DAB1: variants seen among roughly 807,000 people sequenced by gnomAD.
The protein encoded by DAB1 is DAB adaptor protein 1, also known as disabled homolog 1.
A neutral mutation model predicts 64.6 loss-of-function variants in DAB1; 15 were observed. That is an observed-to-expected ratio of 0.23 (90% confidence interval 0.16 to 0.36). DAB1 has a LOEUF of 0.36. Among genes scored for constraint, DAB1 ranks in the 10% least tolerant of loss-of-function variants. The pLI is 1.00. For missense variants in DAB1, 596 were observed against 706.7 expected (o/e 0.84, Z 1.78); for synonymous variants, 235 against 251.9 (o/e 0.93, Z 0.64).
At chr1:57,525,692 G>T (rs1398219537) in intron 7 of DAB1, among the ~76,000 whole-genome samples, 3 of 151,862 alleles carry the variant, frequency 2.0e-5, no homozygotes, top group Non-Finnish European at 4.4e-5. Context: ...TTTCAAAAGT[G>T]TTAAACCAAG....
intron 2 of DAB1, among the ~76,000 whole-genome samples, chr1:57,171,676 T>C (rs1014678501): frequency 2.6e-5 from 4 of 152,124 alleles, no homozygotes; most frequent in Non-Finnish European, 5.9e-5. Flanking sequence ...TTACATATCA[T>C]AGGAAAACAG....
At chr1:57,699,467 T>C (rs1406410310) in intron 6 of DAB1, among the ~76,000 whole-genome samples, 1 of 152,190 alleles carries the variant, frequency 6.6e-6, no homozygotes, top group Non-Finnish European at 1.5e-5. Context: ...AATATACATT[T>C]TGTAAATATC....
chr1:57,458,783 A>T (rs1229352722), intron 7 of DAB1, among the ~76,000 whole-genome samples: 1 of 152,100 alleles, frequency 6.6e-6, no homozygotes, highest in Non-Finnish European at 1.5e-5. Flanking sequence ...AATATGATAT[A>T]AAATCAACTC....
At chr1:57,103,176 G>A (rs1366040213) in intron 4 of DAB1, among the ~76,000 whole-genome samples, 1 of 152,176 alleles carries the variant, frequency 6.6e-6, no homozygotes, top group Non-Finnish European at 1.5e-5. Flanking sequence ...GGAAAGAAAG[G>A]TCAGCTGGAG....
chr1:58,438,053 GAA>G (rs1644964567), intron 3 of DAB1, among the ~76,000 whole-genome samples: 1 of 152,172 alleles, frequency 6.6e-6, no homozygotes, highest in African/African-American at 2.4e-5. Flanking sequence ...TGAGGAGAGA[GAA>G]AGAATCTGAC....
intron 2 of DAB1, among the ~76,000 whole-genome samples, chr1:57,257,868 A>T (rs1669884052): frequency 6.6e-6 from 1 of 152,124 alleles, no homozygotes; most frequent in Admixed American, 6.6e-5. Flanking sequence ...CTCTGTGTCA[A>T]ATCTCCCTCA....
chr1:57,336,078 T>C (rs1262761499), intron 1 of DAB1, among the ~76,000 whole-genome samples: 2 of 152,246 alleles, frequency 1.3e-5, no homozygotes, highest in East Asian at 1.9e-4. Flanking sequence ...CAGTTGTGCA[T>C]TTACATTCAG....
At chr1:58,126,866 C>T (rs925394295) in intron 5 of DAB1, among the ~76,000 whole-genome samples, 4 of 146,674 alleles carry the variant, frequency 2.7e-5, no homozygotes, top group Non-Finnish European at 6.0e-5. Flanking sequence ...CACTGTTGGA[C>T]ATTTGGGTTG....
At chr1:57,825,919 C>T (rs561724783), downstream of DAB1, among the ~76,000 whole-genome samples, 24 of 152,210 alleles carry the variant, frequency 1.6e-4, 2 homozygotes, top group South Asian at 4.4e-3. Context: ...TCCGCCCTCC[C>T]AGAATAATTT....
At chr1:58,478,349 G>A (rs1056769736) in intron 3 of DAB1, among the ~76,000 whole-genome samples, 3 of 152,020 alleles carry the variant, frequency 2.0e-5, no homozygotes, top group African/African-American at 7.2e-5. Context: ...CCTAGTCTCG[G>A]GTATGTCTTT....
intron 5 of DAB1, among the ~76,000 whole-genome samples, chr1:58,117,357 T>C (rs1381304973): frequency 6.6e-6 from 1 of 152,218 alleles, no homozygotes; most frequent in Non-Finnish European, 1.5e-5. Flanking sequence ...TTATTCCATG[T>C]TGCAGATGAT....
chr1:58,266,474 A>G (rs1432348610), intron 4 of DAB1, among the ~76,000 whole-genome samples: 1 of 152,242 alleles, frequency 6.6e-6, no homozygotes, highest in African/African-American at 2.4e-5. Flanking sequence ...CCAGGATCTG[A>G]CACATTAACT....
At chr1:57,836,918 C>A (rs561322783) in intron 1 of DAB1, among the ~76,000 whole-genome samples, 1 of 152,152 alleles carries the variant, frequency 6.6e-6, no homozygotes, top group Non-Finnish European at 1.5e-5. Context: ...TTGCTCTCAG[C>A]GTCTCCATCT....
chr1:57,377,475 C>T, intron 1 of DAB1, among the ~76,000 whole-genome samples: 1 of 152,090 alleles, frequency 6.6e-6, no homozygotes, highest in East Asian at 1.9e-4. Context: ...ATTCAGACAA[C>T]CTCCTCAGAT....
Position 57,450,737 on chromosome 1 carries a change from C to T in DAB1, n.626-159571G>A, listed in dbSNP as rs1686319111. ...AACACATAAACCTTCTTTGTTGATC[C>T]AATTTCAAATGTGCTAATTTCACTC... On this transcript the variant is annotated intron_variant and non_coding_transcript_variant, in intron 7 of 20. Transcript: ENST00000485760. Among the ~76,000 whole-genome samples the T allele has an allele frequency of 1.3e-5, 2 of 152,160 alleles. 1 individual carries two copies. Among genetic ancestry groups the T allele is most frequent in the Admixed American group, 1.3e-4 (2 of 15,282 alleles).
intron 1 of DAB1, among the ~76,000 whole-genome samples, chr1:57,343,416 G>A (rs1001098974): frequency 5.3e-5 from 8 of 152,230 alleles, no homozygotes; most frequent in Non-Finnish European, 1.2e-4. Flanking sequence ...AGGGCCACAG[G>A]TGGAGCTGCC....
At chr1:58,461,962 C>T (rs1363215071) in intron 3 of DAB1, among the ~76,000 whole-genome samples, 1 of 152,176 alleles carries the variant, frequency 6.6e-6, no homozygotes, top group Non-Finnish European at 1.5e-5. Flanking sequence ...AATCATGCTG[C>T]TCTCCCTTGT....
At chr1:57,913,973 A>G (rs545200491) in intron 5 of DAB1, among the ~76,000 whole-genome samples, 2 of 152,342 alleles carry the variant, frequency 1.3e-5, no homozygotes, top group Admixed American at 1.3e-4. Flanking sequence ...GTGGAGAAAT[A>G]GGAACACTTT....
chr1:57,356,191 C>T (rs1185544344), intron 1 of DAB1, among the ~76,000 whole-genome samples: 1 of 152,062 alleles, frequency 6.6e-6, no homozygotes, highest in Non-Finnish European at 1.5e-5. Flanking sequence ...AACTCAATTT[C>T]ACTGCTTTTG....
Sources: gnomAD v4.1 joint callset for allele counts (sites outside exome capture counted in the v4.1 genomes callset) on GRCh38, gnomAD v4.1.1 for gene constraint, MANE v1.5 for transcripts, NCBI Gene and HGNC (gene_info 2026-07-23, HGNC 2026-07-21) for gene names.